Variants in NRF1 observed in about 807,000 individuals in gnomAD.
The protein encoded by NRF1 is nuclear respiratory factor 1, also known as alpha palindromic-binding protein.
A neutral mutation model predicts 58.5 loss-of-function variants in NRF1; 5 were observed. That is an observed-to-expected ratio of 0.09 (90% CI 0.04 to 0.18). NRF1 has a LOEUF of 0.18. Ranked by LOEUF, NRF1 falls within the 10% of genes least tolerant of loss-of-function variation. The pLI is 1.00. For missense variants in NRF1, 288 were observed against 657.7 expected, an observed-to-expected ratio of 0.44 and a Z score of 6.15; for synonymous variants, 224 against 246.7, an observed-to-expected ratio of 0.91 and a Z score of 0.86.
intron 10 of NRF1, among the ~76,000 whole-genome samples, chr7:129,752,210 C>T (rs567418568): frequency 3.9e-5 from 6 of 152,314 alleles, no homozygotes; most frequent in African/African-American, 1.4e-4. Flanking sequence ...GGAGGCTGCT[C>T]CAGCATTGAT....
intron 1 of NRF1, among the ~76,000 whole-genome samples, chr7:129,624,856 C>T (rs1446560877): frequency 1.3e-5 from 2 of 152,046 alleles, no homozygotes; most frequent in Non-Finnish European, 2.9e-5. Flanking sequence ...TTTCATTTTC[C>T]TTATTGTCCG....
chr7:129,740,682 T>A (rs969287482), intron 10 of NRF1, among the ~76,000 whole-genome samples: 1 of 152,238 alleles, frequency 6.6e-6, no homozygotes, highest in Non-Finnish European at 1.5e-5. Context: ...AGACCAGCAC[T>A]GCCTCATGAG....
chr7:129,736,152 C>T (rs997959788), intron 10 of NRF1, among the ~76,000 whole-genome samples: 3 of 152,144 alleles, frequency 2.0e-5, no homozygotes, highest in Admixed American at 2.0e-4. Flanking sequence ...GAAAAACATT[C>T]TATCTTTTTA....
At position 129,756,588 on chromosome 7, in the gene NRF1, T is replaced by G. The variant is rs557645333; in HGVS notation, c.*1407T>G. 1 of 152,776 alleles carries G rather than the reference T, an allele frequency of 6.5e-6. No homozygotes were observed. The highest frequency in any genetic ancestry group is 6.5e-5 in the Admixed American group (1 of 15,286). 9.5% of individuals were successfully genotyped at this position (152,776 alleles called of 1,614,324 possible). On this transcript the variant is annotated 3_prime_UTR_variant, in exon 11 of 11. Transcript: ENST00000393232. ...CTCCAGTAGCTGAATTCACCTGACT[T>G]TTCAACAGGCCAAATCTCTGAACCT...
At chr7:129,626,322 C>T (rs1449215574) in intron 1 of NRF1, among the ~76,000 whole-genome samples, 6 of 152,086 alleles carry the variant, frequency 3.9e-5, no homozygotes, top group South Asian at 2.1e-4. Flanking sequence ...AGGGCTGGTC[C>T]GATAAGTACA....
chr7:129,711,475 G>C lies in NRF1; in HGVS notation c.964G>C (p.Val322Leu), dbSNP rs759258832. 13 of 1,608,374 alleles carry C rather than the reference G, an allele frequency of 8.1e-6. No individual in the cohort carries two copies. In the South Asian group the frequency reaches 1.3e-4, roughly 17 times the overall value. The change falls in exon 8 of 11, where the codon GTT becomes CTT. Residue 322 changes from valine (V) to leucine (L), a missense_variant and splice_region_variant. Coordinates refer to ENST00000393232, the MANE Select transcript of NRF1 (RefSeq NM_005011.5). ...AACCACTTTCCATATTTTTCTTTAG[G>C]TTGGTACGGGGGCAACAGTAGCCAC... ...NPDGTVSLIQVGTGATVATLA... is the reference protein window; with the variant it reads ...NPDGTVSLIQLGTGATVATLA...
chr7:129,619,350 T>TAA (rs1191977631), intron 1 of NRF1, among the ~76,000 whole-genome samples: 1 of 108,728 alleles, frequency 9.2e-6, no homozygotes, highest in Admixed American at 1.1e-4. Context: ...TCGTATCTAT[T>TAA]AAAAAAAAAA....
At chr7:129,686,358 T>C (rs925056121) in intron 4 of NRF1, among the ~76,000 whole-genome samples, 1 of 152,088 alleles carries the variant, frequency 6.6e-6, no homozygotes, top group African/African-American at 2.4e-5. Flanking sequence ...AAGATTGAAA[T>C]GCTGGCCAGA....
chr7:129,628,673 C>T (rs1800976941), intron 1 of NRF1, among the ~76,000 whole-genome samples: 1 of 152,146 alleles, frequency 6.6e-6, no homozygotes, highest in Non-Finnish European at 1.5e-5. Flanking sequence ...AAGATCTGGT[C>T]TCATACCAAA....
At chr7:129,740,653 G>C (rs952610217) in intron 10 of NRF1, among the ~76,000 whole-genome samples, 1 of 152,248 alleles carries the variant, frequency 6.6e-6, no homozygotes, top group Non-Finnish European at 1.5e-5. Flanking sequence ...GAGATGCTGA[G>C]CTGTGGACAC....
chr7:129,708,545 A>G (rs934035747), intron 5 of NRF1, among the ~76,000 whole-genome samples: 1 of 152,190 alleles, frequency 6.6e-6, no homozygotes, highest in Non-Finnish European at 1.5e-5. Flanking sequence ...TATATTTTAT[A>G]ATCAGCCACC....
rs554212718 is a variant in NRF1 at position 129,664,643 on chromosome 7, G to A, written c.224-6786G>A. Among the ~76,000 whole-genome samples the A allele has an allele frequency of 4.6e-5, 7 of 152,346 alleles. No individual in the cohort carries two copies. In the South Asian group the frequency reaches 1.0e-3, roughly 23 times the overall value. ...GGTCCACTGCTTTTCTATGAAGGAA[G>A]ATGGTTTTAAGACATGGCTTTGCTG... On this transcript the variant is annotated intron_variant, in intron 2 of 10. Coordinates refer to ENST00000393232, the MANE Select transcript of NRF1 (RefSeq NM_005011.5).
chr7:129,629,045 G>A (rs558324149), intron 1 of NRF1, among the ~76,000 whole-genome samples: 7 of 152,228 alleles, frequency 4.6e-5, no homozygotes, highest in South Asian at 2.1e-4. Context: ...CAAGTTTTCC[G>A]AAATTCTAAT....
chr7:129,640,001 G>A (rs1034281777), intron 1 of NRF1, among the ~76,000 whole-genome samples: 1 of 152,224 alleles, frequency 6.6e-6, no homozygotes, highest in African/African-American at 2.4e-5. Context: ...TCACAAGACT[G>A]CTTTGGCAAC....
chr7:129,753,600 T>C (rs1427943400), intron 10 of NRF1, among the ~76,000 whole-genome samples: 2 of 152,054 alleles, frequency 1.3e-5, no homozygotes, highest in Non-Finnish European at 1.5e-5. Flanking sequence ...CTGGGAATCC[T>C]TTTTTTTAAT....
intron 1 of NRF1, among the ~76,000 whole-genome samples, chr7:129,640,482 C>A (rs1440039204): frequency 1.3e-5 from 2 of 152,054 alleles, no homozygotes; most frequent in Admixed American, 1.3e-4. Context: ...TGCACTCCAG[C>A]CTAGGTGATT....
At chr7:129,698,369 A>G (rs571660881) in intron 5 of NRF1, among the ~76,000 whole-genome samples, 20 of 151,694 alleles carry the variant, frequency 1.3e-4, no homozygotes, top group African/African-American at 4.8e-4. Context: ...TTAGAAAACT[A>G]CATAGCTCTA....
intron 10 of NRF1, among the ~76,000 whole-genome samples, chr7:129,746,040 T>C (rs1803968541): frequency 6.6e-6 from 1 of 152,146 alleles, no homozygotes; most frequent in Non-Finnish European, 1.5e-5. Flanking sequence ...AGAAAACTCT[T>C]TGAGTGCTGA....
At chr7:129,710,809 C>T (rs1469457347) in intron 7 of NRF1, among the ~76,000 whole-genome samples, 3 of 147,188 alleles carry the variant, frequency 2.0e-5, no homozygotes, top group African/African-American at 7.4e-5. Flanking sequence ...TTAAAGGGCT[C>T]TTTTTTTTTT....
Sources: allele counts gnomAD v4.1 joint callset (sites outside exome capture counted in the v4.1 genomes callset), GRCh38; gene constraint gnomAD v4.1.1; transcripts MANE v1.5; gene names NCBI Gene and HGNC (gene_info 2026-07-23, HGNC 2026-07-21).